RASGEF1C: variants seen among roughly 807,000 people sequenced by gnomAD.
The protein encoded by RASGEF1C is ras-GEF domain-containing family member 1C.
In RASGEF1C, 27 loss-of-function variants were observed where a neutral mutation model predicts 58.1. That is an observed-to-expected ratio of 0.46 (90% CI 0.34 to 0.64). The LOEUF (loss-of-function observed/expected upper bound fraction) is 0.64. Among genes scored for constraint, RASGEF1C ranks in the 30% least tolerant of loss-of-function variants. RASGEF1C has a pLI of 0.01. For synonymous variants in RASGEF1C, 243 were observed against 246.3 expected (o/e 0.99, Z 0.13); for missense variants, 502 against 605.1 (o/e 0.83, Z 1.79).
chr5:180,192,811 C>A (rs544751061), intron 1 of RASGEF1C, among the ~76,000 whole-genome samples: 142 of 151,356 alleles, frequency 9.4e-4, no homozygotes, highest in Non-Finnish European at 2.7e-4. Context: ...GTGTCGCAAT[C>A]TCGGCTCACT....
At chr5:180,129,471 G>A (rs980459327) in intron 4 of RASGEF1C, among the ~76,000 whole-genome samples, 2 of 152,086 alleles carry the variant, frequency 1.3e-5, no homozygotes, top group African/African-American at 2.4e-5. Flanking sequence ...GGGCTCCAGC[G>A]TCCTCAGACA....
At chr5:180,151,928 C>G (rs2113292005) in intron 1 of RASGEF1C, among the ~76,000 whole-genome samples, 1 of 151,860 alleles carries the variant, frequency 6.6e-6, no homozygotes, top group Admixed American at 6.6e-5. Flanking sequence ...AGACACTTCT[C>G]AAAAGAAGAT....
intron 1 of RASGEF1C, among the ~76,000 whole-genome samples, 191 bp downstream of exon 1, chr5:180,208,837 G>A (rs990627132): frequency 2.4e-4 from 36 of 151,384 alleles, no homozygotes; most frequent in African/African-American, 8.2e-4. Context: ...TACCCTACCC[G>A]CTACCCCCGC....
chr5:180,113,735 G>A (rs543387347), intron 11 of RASGEF1C, among the ~76,000 whole-genome samples: 10 of 149,456 alleles, frequency 6.7e-5, no homozygotes, highest in African/African-American at 1.2e-4. Context: ...CGGGCTGGAC[G>A]GAGGGACCGG....
In RASGEF1C at chr5:180,158,654, C is replaced by T. The variant is rs1766885989; in HGVS notation, c.-6-20596G>A. Among the ~76,000 whole-genome samples, 1 of 152,144 alleles carries T rather than the reference C, an allele frequency of 6.6e-6. No homozygotes were observed. The highest frequency in any genetic ancestry group is 2.4e-5 in the African/African-American group (1 of 41,428). Reference sequence around the variant, plus strand: ...TGAAAATCCCGTATCCCAAGAAAAACCCCTCAGTCCCAGGTAAACAAAGCC... The same window carrying T: ...TGAAAATCCCGTATCCCAAGAAAAATCCCTCAGTCCCAGGTAAACAAAGCC... On this transcript the variant is annotated intron_variant, in intron 1 of 13. Coordinates refer to ENST00000361132, the MANE Select transcript of RASGEF1C (RefSeq NM_175062.4). The surrounding 1 kb of genome is among the most constrained non-coding windows in gnomAD (Gnocchi z 4.0).
chr5:180,107,275 T>C (rs563224894), intron 12 of RASGEF1C, among the ~76,000 whole-genome samples: 85 of 152,352 alleles, frequency 5.6e-4, no homozygotes, highest in South Asian at 2.5e-3. Context: ...ATTATTAGTA[T>C]GTTAGGACTT....
At chr5:180,157,360 G>A (rs1272227249) in intron 1 of RASGEF1C, among the ~76,000 whole-genome samples, 2 of 152,084 alleles carry the variant, frequency 1.3e-5, no homozygotes, top group African/African-American at 2.4e-5. Flanking sequence ...AGTGGCTCAC[G>A]CCTGTAATCC....
intron 3 of RASGEF1C, 156 bp from the exon 4 acceptor site, chr5:180,136,671 C>T: frequency 1.3e-6 from 1 of 742,416 alleles, no homozygotes; most frequent in South Asian, 2.0e-5. Context: ...CTGCTCTGCG[C>T]CCACGGGGAG....
intron 1 of RASGEF1C, among the ~76,000 whole-genome samples, chr5:180,165,745 T>G (rs1767011723): frequency 9.3e-6 from 1 of 107,552 alleles, no homozygotes; most frequent in African/African-American, 3.0e-5. Flanking sequence ...TTCATTTAAT[T>G]TTTCCTTTTT....
chr5:180,195,648 G>A (rs957683841), intron 1 of RASGEF1C, among the ~76,000 whole-genome samples: 3 of 152,114 alleles, frequency 2.0e-5, no homozygotes, highest in African/African-American at 2.4e-5. Context: ...TGTAGTCCCA[G>A]CTACTCGGGA....
chr5:180,142,675 C>T (rs1212976041), intron 1 of RASGEF1C, among the ~76,000 whole-genome samples: 1 of 152,030 alleles, frequency 6.6e-6, no homozygotes, highest in Non-Finnish European at 1.5e-5. Context: ...CAGTGTGGCA[C>T]AAGGAGGGGA....
chr5:180,190,422 G>A lies in RASGEF1C; in HGVS notation c.-7+18606C>T, dbSNP rs1223533689. On this transcript the variant is annotated intron_variant, in intron 1 of 13. Coordinates refer to ENST00000361132, the MANE Select transcript of RASGEF1C (RefSeq NM_175062.4). ...GGAGAGTGGCGTGAACCTGGGAGGC[G>A]GAGCTTGCAGTGAGCTGAGATCGCG... is the stretch of plus-strand genomic sequence containing the variant. Among the ~76,000 whole-genome samples the A allele has an allele frequency of 3.4e-3, 502 of 148,118 alleles. 5 individuals are homozygous for A. Among genetic ancestry groups the A allele is most frequent in the African/African-American group, 0.012 (469 of 40,548 alleles).
chr5:180,159,068 C>A (rs1766895826), intron 1 of RASGEF1C, among the ~76,000 whole-genome samples: 1 of 150,174 alleles, frequency 6.7e-6, no homozygotes, highest in Non-Finnish European at 1.5e-5. Flanking sequence ...ACTTTTTGTT[C>A]TTTTTTTCAG....
At chr5:180,142,202 T>C (rs1219888221) in intron 1 of RASGEF1C, among the ~76,000 whole-genome samples, 1 of 152,106 alleles carries the variant, frequency 6.6e-6, no homozygotes, top group Non-Finnish European at 1.5e-5. Context: ...GTCTGCCTCG[T>C]TGGGACGTGG....
chr5:180,122,768 A>G (rs1464838630), intron 6 of RASGEF1C, among the ~76,000 whole-genome samples: 3 of 135,136 alleles, frequency 2.2e-5, no homozygotes, highest in Non-Finnish European at 4.8e-5. Flanking sequence ...CTAAAACAAA[A>G]ACAAAAAACA....
chr5:180,142,162 C>T (rs1401818384), intron 1 of RASGEF1C, among the ~76,000 whole-genome samples: 1 of 152,056 alleles, frequency 6.6e-6, no homozygotes, highest in African/African-American at 2.4e-5. Flanking sequence ...TGCTCGTACC[C>T]TGTAGAGAGA....
intron 4 of RASGEF1C, among the ~76,000 whole-genome samples, chr5:180,132,975 A>AG (rs1296995479): frequency 5.4e-4 from 82 of 150,982 alleles, no homozygotes; most frequent in African/African-American, 1.9e-3. Flanking sequence ...CTCAGAAAAA[A>AG]AAAAAAAAAA....
intron 1 of RASGEF1C, among the ~76,000 whole-genome samples, chr5:180,176,771 T>C (rs528379970): frequency 6.6e-6 from 1 of 152,234 alleles, no homozygotes; most frequent in South Asian, 2.1e-4. Flanking sequence ...TTGGCCAGGA[T>C]GGTCTCGATC....
chr5:180,160,764 A>C (rs770026371), intron 1 of RASGEF1C, among the ~76,000 whole-genome samples: 2 of 152,202 alleles, frequency 1.3e-5, no homozygotes, highest in Non-Finnish European at 2.9e-5. Flanking sequence ...GCAAGAAGCC[A>C]TGCACAGCTT....
Sources: allele counts gnomAD v4.1 joint callset (sites outside exome capture counted in the v4.1 genomes callset), GRCh38; gene constraint gnomAD v4.1.1; non-coding constraint Gnocchi (gnomAD v3.1); transcripts MANE v1.5; gene names NCBI Gene and HGNC (gene_info 2026-07-23, HGNC 2026-07-21).